PACS1: variants seen among roughly 807,000 people sequenced by gnomAD.
The protein encoded by PACS1 is phosphofurin acidic cluster sorting protein 1, also known as PACS-1.
A neutral mutation model predicts 115.0 loss-of-function variants in PACS1; 24 were observed. That is an observed-to-expected ratio of 0.21 (90% CI 0.15 to 0.29). The LOEUF is 0.29. Ranked by LOEUF, PACS1 falls within the 10% of genes least tolerant of loss-of-function variation. PACS1 has a pLI of 1.00. For missense variants in PACS1, 838 were observed against 1,251.2 expected (o/e 0.67, Z 4.98); for synonymous variants, 453 against 504.5 (o/e 0.90, Z 1.37).
intron 1 of PACS1, among the ~76,000 whole-genome samples, chr11:66,105,127 A>G (rs1858005427): frequency 6.6e-6 from 1 of 152,166 alleles, no homozygotes; most frequent in Non-Finnish European, 1.5e-5. Flanking sequence ...GCAGCAGTTA[A>G]AACTAGTAAT....
Position 66,235,420 on chromosome 11 carries a change from G to A in PACS1, c.2207+17G>A, listed in dbSNP as rs1855687213. ...GCATAAGTTGTAAGTTTGACTTTGA[G>A]GGGTTTCTTAAAAATAGGTTGGGTG... On this transcript the variant is annotated intron_variant, in intron 18 of 23. Transcript: ENST00000320580. The surrounding 1 kb of genome is among the most constrained non-coding windows in gnomAD (Gnocchi z 5.6). 1.3e-6 allele frequency: 2 copies of A among 1,583,364 alleles called. No homozygotes were observed. Among genetic ancestry groups the A allele is most frequent in the Non-Finnish European group, 1.7e-6 (2 of 1,152,562 alleles).
At chr11:66,106,494 C>T (rs1435770943) in intron 1 of PACS1, among the ~76,000 whole-genome samples, 1 of 152,200 alleles carries the variant, frequency 6.6e-6, no homozygotes, top group South Asian at 2.1e-4. Context: ...ATCACTTGAA[C>T]CCGGGGAGGT....
chr11:66,243,527 G>C lies in PACS1; in HGVS notation c.*247G>C. 1 of 535,734 alleles carries C rather than the reference G, an allele frequency of 1.9e-6. No homozygotes were observed. The allele number at this position is 535,734 out of a possible 1,614,324, so 33.2% of individuals were successfully genotyped here. A position where few individuals can be genotyped will look rare whatever the true frequency, so the allele number is the denominator to read the frequency against. ...CTCCCTCCTGCTCCAGGCCCAAGGCGTGTTGGTTTTGCCTTCTGGTGCCCA... is the reference window on the plus strand; with the variant it reads ...CTCCCTCCTGCTCCAGGCCCAAGGCCTGTTGGTTTTGCCTTCTGGTGCCCA... On this transcript the variant is annotated 3_prime_UTR_variant, in exon 24 of 24. Coordinates refer to ENST00000320580, the MANE Select transcript of PACS1 (RefSeq NM_018026.4).
intron 1 of PACS1, among the ~76,000 whole-genome samples, chr11:66,192,552 C>G (rs937084946): frequency 2.0e-5 from 3 of 152,214 alleles, no homozygotes; most frequent in Non-Finnish European, 4.4e-5. Flanking sequence ...GGGGCCTGAG[C>G]AGGGCCTAGA....
At chr11:66,170,841 CAG>C (rs2134638888) in intron 1 of PACS1, among the ~76,000 whole-genome samples, 1 of 140,408 alleles carries the variant, frequency 7.1e-6, no homozygotes, top group East Asian at 2.0e-4. Context: ...ACTTGGGAGG[CAG>C]AGATTGCAGT....
chr11:66,070,568 T>TC lies in PACS1; in HGVS notation c.86dup (p.Gln30SerfsTer90). 6.8e-7 allele frequency: 1 copy of TC among 1,471,684 alleles called. No homozygotes were observed. Among genetic ancestry groups the TC allele is most frequent in the Non-Finnish European group, 8.9e-7 (1 of 1,117,992 alleles). 91.2% of individuals were successfully genotyped at this position (1,471,684 alleles called of 1,614,324 possible). A position where few individuals can be genotyped will look rare whatever the true frequency, so the allele number is the denominator to read the frequency against. On this transcript the variant is annotated frameshift_variant, in exon 1 of 24. Coordinates refer to ENST00000320580, the MANE Select transcript of PACS1 (RefSeq NM_018026.4). LOFTEE classifies it high-confidence loss of function. The surrounding 1 kb of genome is among the most constrained non-coding windows in gnomAD (Gnocchi z 5.9). ...CCAGCGGGGATCCGGGGTCGCCCAG[T>TC]CCCCTCAGCAGCCGCCGCCGCAGCA...
At chr11:66,142,622 TAAAAAAA>T (rs757969555) in intron 1 of PACS1, among the ~76,000 whole-genome samples, 1 of 126,014 alleles carries the variant, frequency 7.9e-6, no homozygotes, top group African/African-American at 3.0e-5. Context: ...AGCATTTTAT[TAAAAAAA>T]AAAAAAAAAA....
intron 1 of PACS1, among the ~76,000 whole-genome samples, chr11:66,096,485 G>C (rs894675458): frequency 6.6e-6 from 1 of 150,416 alleles, no homozygotes; most frequent in Non-Finnish European, 1.5e-5. Flanking sequence ...TAGCTTTTAT[G>C]AATAAAGTTG....
intron 1 of PACS1, among the ~76,000 whole-genome samples, chr11:66,142,379 C>T (rs1440024292): frequency 2.0e-5 from 3 of 152,024 alleles, no homozygotes; most frequent in South Asian, 4.2e-4. Context: ...AGTGCAATGC[C>T]GCAATCTCGG....
intron 1 of PACS1, among the ~76,000 whole-genome samples, chr11:66,181,315 C>T (rs1325303937): frequency 1.3e-5 from 2 of 151,574 alleles, no homozygotes; most frequent in Non-Finnish European, 2.9e-5. Flanking sequence ...AGGGTTCAAA[C>T]GATTCTTCTG....
intron 2 of PACS1, among the ~76,000 whole-genome samples, chr11:66,207,014 TA>T (rs1188609996): frequency 6.6e-6 from 1 of 152,244 alleles, no homozygotes; most frequent in African/African-American, 2.4e-5. Context: ...CTGCAGTTGT[TA>T]TCAACTTATG....
At chr11:66,184,720 C>T (rs1860082813) in intron 1 of PACS1, among the ~76,000 whole-genome samples, 1 of 152,160 alleles carries the variant, frequency 6.6e-6, no homozygotes, top group Non-Finnish European at 1.5e-5. Flanking sequence ...TGCACTGTCA[C>T]GTTTGTTGGT....
chr11:66,185,547 C>A (rs1374055085), intron 1 of PACS1, among the ~76,000 whole-genome samples: 1 of 152,082 alleles, frequency 6.6e-6, no homozygotes, highest in Non-Finnish European at 1.5e-5. Context: ...TCTGCCTGAT[C>A]CCCAGATGAA....
chr11:66,229,435 C>T (rs1022920022), intron 11 of PACS1, among the ~76,000 whole-genome samples: 17 of 151,760 alleles, frequency 1.1e-4, no homozygotes, highest in South Asian at 8.3e-4. Context: ...GGCGGTGGTT[C>T]ATGCCTGTAA....
At chr11:66,153,497 CCT>C (rs1188437083) in intron 1 of PACS1, among the ~76,000 whole-genome samples, 3 of 152,086 alleles carry the variant, frequency 2.0e-5, no homozygotes, top group Admixed American at 1.3e-4. Flanking sequence ...AAATAAAAAA[CCT>C]GGCCAGGCGC....
intron 1 of PACS1, among the ~76,000 whole-genome samples, chr11:66,159,155 C>T (rs953866003): frequency 3.9e-5 from 6 of 151,998 alleles, no homozygotes; most frequent in African/African-American, 7.2e-5. Flanking sequence ...TGCAGGGTCT[C>T]GGCCGGGCGT....
intron 22 of PACS1, among the ~76,000 whole-genome samples, chr11:66,242,679 G>A (rs1311646844): frequency 3.9e-5 from 6 of 152,190 alleles, no homozygotes; most frequent in African/African-American, 9.7e-5. Flanking sequence ...CTGAACAGGC[G>A]AAGATATCGA....
chr11:66,159,811 A>G (rs1000072338), intron 1 of PACS1, among the ~76,000 whole-genome samples: 2 of 152,204 alleles, frequency 1.3e-5, no homozygotes, highest in Admixed American at 1.3e-4. Flanking sequence ...ACCTAATTAG[A>G]AAAAGATCTG....
intron 1 of PACS1, among the ~76,000 whole-genome samples, chr11:66,085,393 T>C (rs773640738): frequency 3.3e-5 from 5 of 152,176 alleles, no homozygotes; most frequent in Non-Finnish European, 5.9e-5. Flanking sequence ...GATCTTACTG[T>C]TTTATAAAGG....
Sources: allele counts gnomAD v4.1 joint callset (sites outside exome capture counted in the v4.1 genomes callset), GRCh38; gene constraint gnomAD v4.1.1; non-coding constraint Gnocchi (gnomAD v3.1); transcripts MANE v1.5; gene names NCBI Gene and HGNC (gene_info 2026-07-23, HGNC 2026-07-21).